Variants in DNAH2 observed in about 807,000 individuals in gnomAD.
DNAH2 encodes the protein dynein axonemal heavy chain 2, also known as axonemal beta dynein heavy chain 2.
A neutral mutation model predicts 523.5 loss-of-function variants in DNAH2; 323 were observed. That is an observed-to-expected ratio of 0.62 (90% CI 0.56 to 0.68). The LOEUF (loss-of-function observed/expected upper bound fraction) is 0.68, where lower values mean the gene tolerates loss of function less well. Among genes scored for constraint, DNAH2 ranks in the 30% least tolerant of loss-of-function variants. The pLI is 0.00. For synonymous variants in DNAH2, 2,093 were observed against 2,177.4 expected (o/e 0.96, Z 1.08); for missense variants, 4,907 against 5,701.5 (o/e 0.86, Z 4.49).
intron 13 of DNAH2, among the ~76,000 whole-genome samples, chr17:7,757,744 A>C (rs1377737016): frequency 6.6e-6 from 1 of 152,140 alleles, no homozygotes; most frequent in African/African-American, 2.4e-5. Flanking sequence ...TATTTCTCAC[A>C]GTTCTGGGGG....
At chr17:7,753,825 A>G (rs567884739) in intron 12 of DNAH2, among the ~76,000 whole-genome samples, 17 of 152,162 alleles carry the variant, frequency 1.1e-4, no homozygotes, top group African/African-American at 4.1e-4. Flanking sequence ...GTGCGCACCT[A>G]TAGTCCCAGC....
rs1006124801 is a variant in DNAH2, at chr17:7,787,762, G to A, written c.6604-98G>A. 106 of 1,048,054 alleles carry A rather than the reference G, an allele frequency of 1.0e-4. No homozygotes were observed. In the African/African-American group the frequency reaches 1.1e-3, roughly 11 times the overall value. 64.9% of individuals were successfully genotyped at this position (1,048,054 alleles called of 1,614,324 possible). ...AAAAAAAAAAAAAAAAAAGCAAATC[G>A]TTTGTGAACTTGTAGCATCCGAGTT... On this transcript the variant is annotated intron_variant, in intron 42 of 85. Coordinates refer to ENST00000572933, the MANE Select transcript of DNAH2 (RefSeq NM_020877.5).
Position 7,798,109 on chromosome 17 carries a change from T to C in DNAH2, c.8231-48T>C. On this transcript the variant is annotated intron_variant, in intron 53 of 85. Transcript: ENST00000572933. The surrounding 1 kb of genome is among the most constrained non-coding windows in gnomAD (Gnocchi z 5.5). Reference sequence around the variant, plus strand: ...CCTAGCCTAGGGCCTGGAGGTCCCCTGAGTTTGCTCAGCCAACTCATTACC... The same window carrying C: ...CCTAGCCTAGGGCCTGGAGGTCCCCCGAGTTTGCTCAGCCAACTCATTACC... 6.5e-7 allele frequency: 1 copy of C among 1,536,098 alleles called. No individual in the cohort carries two copies. Among genetic ancestry groups the C allele is most frequent in the Non-Finnish European group, 8.8e-7 (1 of 1,139,870 alleles).
rs1462072414 is a variant in DNAH2 at position 7,833,172 on chromosome 17, G to A, written c.13080G>A (p.Met4360Ile). Residue 4360 changes from methionine to isoleucine, a missense_variant, in exon 85 of 86, where the codon ATG becomes ATA. Transcript: ENST00000572933. ...EAEPMQLVCL[M>I]PTIHFRPAES... ...AGCCCATGCAGCTTGTCTGCCTCAT[G>A]CCCACGATCCACTTCCGGCCTGCAG... The A allele has an allele frequency of 6.2e-7, 1 of 1,609,578 alleles. No individual in the cohort carries two copies. The highest frequency in any genetic ancestry group is 8.5e-7 in the Non-Finnish European group (1 of 1,180,008).
chr17:7,719,652 T>TTTTGTATCAGGGG, intron 1 of DNAH2, 69 bp from the exon 2 acceptor site: 1 of 1,574,482 alleles, frequency 6.4e-7, no homozygotes, highest in South Asian at 1.1e-5. Context: ...CAAAAGGGAC[T>TTTTGTATCAGGGG]GCTTGTATCA....
chr17:7,812,217 A>G (rs1344459868), intron 63 of DNAH2, among the ~76,000 whole-genome samples: 1 of 152,228 alleles, frequency 6.6e-6, no homozygotes, highest in Non-Finnish European at 1.5e-5. Context: ...ACCAATAAGC[A>G]TTTACTGGAT....
intron 48 of DNAH2, among the ~76,000 whole-genome samples, chr17:7,793,907 A>T (rs1036302330): frequency 3.9e-5 from 6 of 152,222 alleles, no homozygotes; most frequent in Non-Finnish European, 5.9e-5. Flanking sequence ...ATAGATAGGT[A>T]CAATTTTAAA....
chr17:7,737,055 C>T lies in DNAH2; in HGVS notation c.979-12C>T. ...GTGCATAAATCTATTTCTCATCTCT[C>T]TTTACTGCCAGGATGGCTCTCGTCA... On this transcript the variant is annotated splice_polypyrimidine_tract_variant and intron_variant, in intron 7 of 85. Transcript: ENST00000572933. The T allele has an allele frequency of 1.2e-6, 2 of 1,610,954 alleles. No homozygotes were observed. Among genetic ancestry groups the T allele is most frequent in the Non-Finnish European group, 1.7e-6 (2 of 1,177,688 alleles).
chr17:7,747,699 C>T (rs1049794642), intron 12 of DNAH2, among the ~76,000 whole-genome samples: 5 of 152,256 alleles, frequency 3.3e-5, no homozygotes, highest in South Asian at 2.1e-4. Flanking sequence ...CAAATAATGG[C>T]GAAACACGTC....
chr17:7,833,155 C>T lies in DNAH2; in HGVS notation c.13063C>T (p.Gln4355Ter), dbSNP rs1472539214. The part of the protein sequence containing the change: ...NSCLVEAEPM[Q>*]LVCLMPTIHF... ...CTGCTTGGTGGAGGCAGAGCCCATGCAGCTTGTCTGCCTCATGCCCACGAT... is the reference window on the plus strand; with the variant it reads ...CTGCTTGGTGGAGGCAGAGCCCATGTAGCTTGTCTGCCTCATGCCCACGAT... Residue 4355 changes from glutamine to a stop codon, truncating the protein, a stop_gained, in exon 85 of 86, where the codon CAG becomes TAG. Transcript: ENST00000572933. LOFTEE classifies it high-confidence loss of function. 3 of 1,610,662 alleles carry T rather than the reference C, an allele frequency of 1.9e-6. No homozygotes were observed. The highest frequency in any genetic ancestry group is 2.7e-5 in the African/African-American group (2 of 74,920).
intron 8 of DNAH2, chr17:7,738,229 T>G (rs1176320341): frequency 1.6e-6 from 1 of 633,856 alleles, no homozygotes; most frequent in Non-Finnish European, 2.9e-6. Flanking sequence ...CTTGGTTGTA[T>G]TTTCCGAGAC....
intron 5 of DNAH2, 38 bp downstream of exon 5, chr17:7,733,353 T>C: frequency 1.2e-6 from 2 of 1,603,062 alleles, no homozygotes; most frequent in Non-Finnish European, 1.7e-6. Flanking sequence ...TTCTCCTTAG[T>C]GTCCCCCAAC....
rs913874795 is a variant in DNAH2 at position 7,740,002 on chromosome 17, G to A, written c.1376+64G>A. 3.2e-6 allele frequency: 5 copies of A among 1,571,560 alleles called. No homozygotes were observed. In the East Asian group the frequency reaches 9.1e-5, roughly 29 times the overall value. ...AAGGCAGATCAGGCAGCCAAGAGTG[G>A]GAGGAGTGGCGAGAGTATGCAAAGG... is the stretch of plus-strand genomic sequence containing the variant. On this transcript the variant is annotated intron_variant, in intron 9 of 85. Transcript: ENST00000572933.
chr17:7,788,734 G>A (rs1245399561), intron 44 of DNAH2, among the ~76,000 whole-genome samples: 1 of 152,174 alleles, frequency 6.6e-6, no homozygotes, highest in Non-Finnish European at 1.5e-5. Flanking sequence ...ATCTTCTGTT[G>A]AGATTAAATC....
At chr17:7,772,877 A>G (rs2076356292) in intron 28 of DNAH2, among the ~76,000 whole-genome samples, 2 of 152,132 alleles carry the variant, frequency 1.3e-5, no homozygotes, top group Admixed American at 6.5e-5. Context: ...GGTTCAAGCA[A>G]TTCTCCTGCC....
chr17:7,747,407 A>G (rs1474993953), intron 12 of DNAH2, among the ~76,000 whole-genome samples: 1 of 152,164 alleles, frequency 6.6e-6, no homozygotes, highest in African/African-American at 2.4e-5. Flanking sequence ...GAACCAGTCT[A>G]CTATTGATGG....
intron 77 of DNAH2, among the ~76,000 whole-genome samples, chr17:7,826,601 G>A (rs1009377702): frequency 1.0e-4 from 15 of 145,092 alleles, no homozygotes; most frequent in East Asian, 4.1e-4. Context: ...GCGCAGTGGC[G>A]CCATCTCGGC....
chr17:7,751,267 A>G (rs2075676013), intron 12 of DNAH2, among the ~76,000 whole-genome samples: 1 of 151,548 alleles, frequency 6.6e-6, no homozygotes, highest in Non-Finnish European at 1.5e-5. Context: ...TAATTTTTGG[A>G]TTTTTAGTAG....
Position 7,805,085 on chromosome 17 carries a change from C to T in DNAH2, c.9300+11C>T, listed in dbSNP as rs369409718. The T allele has an allele frequency of 4.7e-5, 76 of 1,610,886 alleles. No homozygotes were observed. The highest frequency in any genetic ancestry group is 1.7e-4 in the Middle Eastern group (1 of 6,052). On this transcript the variant is annotated intron_variant, in intron 60 of 85. Coordinates refer to ENST00000572933, the MANE Select transcript of DNAH2 (RefSeq NM_020877.5). ...GAAGAGGCCATGCGGGTACCAGGGG[C>T]GGGTGCAAGGATGGGAGCCAGGAAC...
Sources: gnomAD v4.1 joint callset for allele counts (sites outside exome capture counted in the v4.1 genomes callset) on GRCh38, gnomAD v4.1.1 for gene constraint, Gnocchi (gnomAD v3.1) non-coding constraint, MANE v1.5 for transcripts, NCBI Gene and HGNC (gene_info 2026-07-23, HGNC 2026-07-21) for gene names.